Variants in MRPS31 observed in about 807,000 individuals in gnomAD.
MRPS31 encodes mitochondrial ribosomal protein S31, also known as small ribosomal subunit protein mS31.
Under a neutral mutation model 43.1 loss-of-function variants are expected in MRPS31, and 32 were observed. The ratio of observed to expected loss-of-function variants is 0.74; its 90% CI spans 0.56 to 1.00. The LOEUF is 1.00. MRPS31 is among the 50% of genes least tolerant of loss of function. The probability of loss-of-function intolerance (pLI) is 0.00; values close to 1 mark genes in which losing one functional copy is unlikely to be tolerated. For synonymous variants in MRPS31, 165 were observed against 161.6 expected, an observed-to-expected ratio of 1.02 and a Z score of -0.16; for missense variants, 437 against 466.7, an observed-to-expected ratio of 0.94 and a Z score of 0.59.
chr13:40,750,400 A>G (rs1181380161), intron 5 of MRPS31, among the ~76,000 whole-genome samples: 3 of 152,078 alleles, frequency 2.0e-5, no homozygotes, highest in African/African-American at 7.2e-5. Context: ...CGTGTATTGC[A>G]AAAGGACACA....
At chr13:40,757,442 T>C (rs1303144235) in intron 3 of MRPS31, among the ~76,000 whole-genome samples, 1 of 52,780 alleles carries the variant, frequency 1.9e-5, no homozygotes, top group African/African-American at 1.8e-4. Context: ...ATGTCTTCCT[T>C]TTTTTTTTTT....
intron 2 of MRPS31, among the ~76,000 whole-genome samples, chr13:40,766,159 AAC>A (rs1880838016): frequency 6.6e-6 from 1 of 152,280 alleles, no homozygotes; most frequent in South Asian, 2.1e-4. Context: ...GGCAGTTAAT[AAC>A]ACTGATAAAT....
At chr13:40,734,755 G>A (rs1369154162) in intron 6 of MRPS31, among the ~76,000 whole-genome samples, 1 of 152,076 alleles carries the variant, frequency 6.6e-6, no homozygotes, top group Non-Finnish European at 1.5e-5. Flanking sequence ...AATTAGCCAG[G>A]CATGGTGGTG....
At chr13:40,767,539 G>A (rs917132758) in intron 1 of MRPS31, among the ~76,000 whole-genome samples, 6 of 152,188 alleles carry the variant, frequency 3.9e-5, no homozygotes, top group Admixed American at 2.6e-4. Context: ...AATCAGAGAA[G>A]TCCCAAAGTC....
chr13:40,754,622 A>G (rs1234306804), intron 4 of MRPS31, among the ~76,000 whole-genome samples: 2 of 152,256 alleles, frequency 1.3e-5, no homozygotes, highest in African/African-American at 4.8e-5. Flanking sequence ...TGAAATTAAT[A>G]TCAGAGAGTT....
At chr13:40,770,366 C>T (rs1320079529) in intron 1 of MRPS31, among the ~76,000 whole-genome samples, 2 of 152,298 alleles carry the variant, frequency 1.3e-5, no homozygotes, top group East Asian at 3.9e-4. Context: ...CCACAATTCC[C>T]TTTTTTCCTG....
chr13:40,752,739 CTTT>C (rs201349990), intron 5 of MRPS31, among the ~76,000 whole-genome samples: 1 of 147,142 alleles, frequency 6.8e-6, no homozygotes, highest in Non-Finnish European at 1.5e-5. Flanking sequence ...ATACAACATT[CTTT>C]TTTTTTTTCC....
At chr13:40,737,632 C>T (rs1365868497) in intron 6 of MRPS31, among the ~76,000 whole-genome samples, 1 of 152,194 alleles carries the variant, frequency 6.6e-6, no homozygotes, top group African/African-American at 2.4e-5. Flanking sequence ...GATTAAGAAT[C>T]TCACTCAAAA....
At chr13:40,770,477 C>T (rs1593281289) in intron 1 of MRPS31, among the ~76,000 whole-genome samples, 1 of 152,190 alleles carries the variant, frequency 6.6e-6, no homozygotes, top group South Asian at 2.1e-4. Context: ...TATTTGCTAT[C>T]CCAGCAAGTA....
Position 40,756,873 on chromosome 13 carries a change from C to CT in MRPS31, c.739dup (p.Arg247LysfsTer11). Reference sequence around the variant, plus strand: ...CCCAGCAGATTACAAAGCCTGATACCTTTTTTTAAGATCATCCGTCTTCTC... The same window carrying CT: ...CCCAGCAGATTACAAAGCCTGATACCTTTTTTTTAAGATCATCCGTCTTCTC... On this transcript the variant is annotated frameshift_variant and splice_region_variant, in exon 4 of 7. Coordinates refer to ENST00000323563, the MANE Select transcript of MRPS31 (RefSeq NM_005830.4). LOFTEE classifies it high-confidence loss of function. 1.9e-6 allele frequency: 3 copies of CT among 1,612,446 alleles called. No homozygotes were observed. Among genetic ancestry groups the CT allele is most frequent in the South Asian group, 1.1e-5 (1 of 90,606 alleles).
intron 3 of MRPS31, 48 bp downstream of exon 3, chr13:40,758,900 C>T: frequency 1.4e-6 from 2 of 1,448,508 alleles, no homozygotes; most frequent in Non-Finnish European, 9.1e-7. Flanking sequence ...TGAAAATGGC[C>T]CATTTTGAGA....
chr13:40,757,985 A>G (rs1427934811), intron 3 of MRPS31, among the ~76,000 whole-genome samples: 2 of 151,542 alleles, frequency 1.3e-5, no homozygotes, highest in Non-Finnish European at 2.9e-5. Flanking sequence ...TACTAAAAAT[A>G]CAAAAAAATT....
At chr13:40,753,364 T>C (rs1044107628) in intron 5 of MRPS31, among the ~76,000 whole-genome samples, 8 of 152,218 alleles carry the variant, frequency 5.3e-5, no homozygotes, top group African/African-American at 1.9e-4. Flanking sequence ...CTGTAAATGG[T>C]AGTTGATTAT....
chr13:40,747,390 C>T (rs1291249127), intron 6 of MRPS31, among the ~76,000 whole-genome samples: 1 of 151,984 alleles, frequency 6.6e-6, no homozygotes, highest in African/African-American at 2.4e-5. Flanking sequence ...ATACTGATAC[C>T]CAGGAGCTTA....
chr13:40,754,184 T>G (rs572414014), intron 4 of MRPS31, 92 bp from the exon 5 acceptor site: 1 of 709,752 alleles, frequency 1.4e-6, no homozygotes, highest in South Asian at 2.2e-5. Context: ...AAATATTCTA[T>G]GTAGAAATTA....
At chr13:40,735,241 C>T (rs896105800) in intron 6 of MRPS31, among the ~76,000 whole-genome samples, 21 of 152,198 alleles carry the variant, frequency 1.4e-4, no homozygotes, top group African/African-American at 4.3e-4. Flanking sequence ...TAAAAAACGG[C>T]GCACCAGATT....
chr13:40,770,761 C>A, intron 1 of MRPS31: 1 of 529,456 alleles, frequency 1.9e-6, no homozygotes, highest in Non-Finnish European at 3.4e-6. Context: ...GAGATGATGA[C>A]AAGAGGAATG....
chr13:40,762,147 G>A (rs1211450889), intron 2 of MRPS31, among the ~76,000 whole-genome samples: 3 of 152,044 alleles, frequency 2.0e-5, no homozygotes, highest in Admixed American at 2.0e-4. Flanking sequence ...TCGGGAGGCT[G>A]CGGTGGGAGG....
intron 5 of MRPS31, among the ~76,000 whole-genome samples, chr13:40,751,704 C>T (rs1880395470): frequency 6.6e-6 from 1 of 152,182 alleles, no homozygotes; most frequent in African/African-American, 2.4e-5. Flanking sequence ...TGAACAATTG[C>T]TAAATTTACG....
Sources: allele counts gnomAD v4.1 joint callset (sites outside exome capture counted in the v4.1 genomes callset), GRCh38; gene constraint gnomAD v4.1.1; transcripts MANE v1.5; gene names NCBI Gene and HGNC (gene_info 2026-07-23, HGNC 2026-07-21).